ERBIN: variants seen among roughly 807,000 people sequenced by gnomAD.
The protein encoded by ERBIN is erbb2 interacting protein.
A neutral mutation model predicts 158.4 loss-of-function variants in ERBIN; 60 were observed. That is an observed-to-expected ratio of 0.38 (90% CI 0.31 to 0.47). The LOEUF (loss-of-function observed/expected upper bound fraction) is 0.47. ERBIN is among the 20% of genes least tolerant of loss of function. ERBIN has a pLI of 0.99. For synonymous variants in ERBIN, 594 were observed against 557.2 expected (o/e 1.07, Z -0.93); for missense variants, 1,610 against 1,648.0 (o/e 0.98, Z 0.40).
chr5:65,998,706 G>A (rs912969709), intron 4 of ERBIN, among the ~76,000 whole-genome samples: 5 of 151,922 alleles, frequency 3.3e-5, no homozygotes, highest in Admixed American at 2.6e-4. Context: ...AGATCAGCCT[G>A]GGCGACATAG....
chr5:66,061,200 A>C (rs1760259606), intron 21 of ERBIN, among the ~76,000 whole-genome samples: 4 of 152,286 alleles, frequency 2.6e-5, no homozygotes, highest in South Asian at 4.1e-4. Flanking sequence ...GTAGGTCCCT[A>C]AGGACTTGCT....
At chr5:66,070,364 A>G (rs1761416901) in intron 21 of ERBIN, among the ~76,000 whole-genome samples, 1 of 152,112 alleles carries the variant, frequency 6.6e-6, no homozygotes, top group Non-Finnish European at 1.5e-5. Flanking sequence ...AATTTAAAAG[A>G]TGAGAGAGAA....
At chr5:65,994,899 G>C (rs367993738) in intron 4 of ERBIN, 35 bp downstream of exon 4, 32 of 1,259,462 alleles carry the variant, frequency 2.5e-5, no homozygotes, top group African/African-American at 6.0e-5. Flanking sequence ...TTTTGTACTT[G>C]GGAACATGTT....
intron 3 of ERBIN, 95 bp from the exon 4 acceptor site, chr5:65,994,652 C>A: frequency 4.5e-6 from 3 of 664,454 alleles, no homozygotes; most frequent in Non-Finnish European, 7.7e-6. Context: ...TAGGTTATAA[C>A]TCATTCAGTT....
chr5:65,963,237 G>T (rs1431775297), intron 1 of ERBIN, among the ~76,000 whole-genome samples: 1 of 152,074 alleles, frequency 6.6e-6, no homozygotes, highest in Non-Finnish European at 1.5e-5. Context: ...TTCTAAAGTA[G>T]TTTCCTATAT....
intron 4 of ERBIN, among the ~76,000 whole-genome samples, chr5:65,998,282 TTC>T (rs980283762): frequency 1.3e-4 from 20 of 149,738 alleles, no homozygotes; most frequent in African/African-American, 3.7e-4. Flanking sequence ...ACTTATTAAA[TTC>T]TGTTTATTTT....
At chr5:65,951,361 C>G (rs544970093) in intron 1 of ERBIN, among the ~76,000 whole-genome samples, 1 of 152,248 alleles carries the variant, frequency 6.6e-6, no homozygotes, top group East Asian at 1.9e-4. Context: ...TGAGCAGTAT[C>G]TGGCACATAA....
intron 3 of ERBIN, 77 bp downstream of exon 3, chr5:65,992,984 T>A: frequency 8.7e-7 from 1 of 1,143,788 alleles, no homozygotes; most frequent in Non-Finnish European, 1.2e-6. Context: ...AATATTGCTA[T>A]AAAGTTGCCA....
chr5:65,938,557 T>C (rs1744372701), intron 1 of ERBIN, among the ~76,000 whole-genome samples: 1 of 151,936 alleles, frequency 6.6e-6, no homozygotes, highest in South Asian at 2.1e-4. Context: ...TGATTCTGTT[T>C]TGTTTTTTTT....
intron 1 of ERBIN, among the ~76,000 whole-genome samples, chr5:65,929,884 C>T (rs1321454653): frequency 2.6e-5 from 4 of 152,160 alleles, no homozygotes; most frequent in African/African-American, 9.7e-5. Flanking sequence ...AGGTGATCTG[C>T]CCACCTTGGC....
Position 66,054,552 on chromosome 5 carries a change from T to C in ERBIN, c.3234T>C (p.Ser1078=), listed in dbSNP as rs760184576. ...CTCGAAGTACAATCCAGCGACAAAGTAGTGTGTCCTCCACAGCCTCTGTAA... is the reference window on the plus strand; with the variant it reads ...CTCGAAGTACAATCCAGCGACAAAGCAGTGTGTCCTCCACAGCCTCTGTAA... ...AVTRSTIQRQ[S]SVSSTASVNL... The change falls in exon 21 of 26, where the codon AGT becomes AGC. Residue 1078 remains serine (S), a synonymous_variant. Transcript: ENST00000284037. 2.5e-5 allele frequency: 40 copies of C among 1,613,960 alleles called. No individual in the cohort carries two copies. Among genetic ancestry groups the C allele is most frequent in the South Asian group, 2.2e-4 (20 of 91,084 alleles).
intron 1 of ERBIN, among the ~76,000 whole-genome samples, chr5:65,930,660 C>CT (rs1201740761): frequency 6.6e-5 from 10 of 152,116 alleles, no homozygotes; most frequent in African/African-American, 2.2e-4. Context: ...CTTTAGTGTT[C>CT]TTAAAATTGA....
chr5:66,045,551 G>A (rs1758351462), intron 17 of ERBIN, among the ~76,000 whole-genome samples: 1 of 152,094 alleles, frequency 6.6e-6, no homozygotes, highest in Non-Finnish European at 1.5e-5. Flanking sequence ...GATGTTCACA[G>A]AGGAAAAAAA....
In ERBIN at chr5:66,080,233, AGTAG is replaced by A. The variant is rs535973748; in HGVS notation, c.*1705_*1708del. 6.2e-3 allele frequency: 951 copies of A among 152,730 alleles called. 9 individuals are homozygous for A. The highest frequency in any genetic ancestry group is 0.015 in the Admixed American group (226 of 15,304). 9.5% of individuals were successfully genotyped at this position (152,730 alleles called of 1,614,324 possible). On this transcript the variant is annotated 3_prime_UTR_variant, in exon 26 of 26. Transcript: ENST00000284037. Reference sequence around the variant, plus strand: ...CTTTCCATTCTTGCTAGTCAGAGTAAGTAGGCAGCACTTTTAAAAATATGTGAAC... The same window carrying A: ...CTTTCCATTCTTGCTAGTCAGAGTAAGCAGCACTTTTAAAAATATGTGAAC...
At chr5:66,025,581 C>G (rs576330562) in intron 11 of ERBIN, 29 bp downstream of exon 11, 2 of 1,506,830 alleles carry the variant, frequency 1.3e-6, no homozygotes, top group African/African-American at 1.4e-5. Flanking sequence ...TATACACCCT[C>G]GAAGATTTTA....
chr5:66,060,620 A>C (rs1169500360), intron 21 of ERBIN, among the ~76,000 whole-genome samples: 1 of 152,006 alleles, frequency 6.6e-6, no homozygotes, highest in Non-Finnish European at 1.5e-5. Flanking sequence ...TAGTGCTTTT[A>C]ATTGTGATGT....
intron 12 of ERBIN, 76 bp from the exon 13 acceptor site, chr5:66,026,226 C>G (rs1452063780): frequency 1.1e-6 from 1 of 920,330 alleles, no homozygotes; most frequent in African/African-American, 1.7e-5. Context: ...TCATAACTTT[C>G]AAAAATGATG....
At chr5:65,973,402 TAAAAA>T (rs1351347356) in intron 1 of ERBIN, among the ~76,000 whole-genome samples, 1 of 150,188 alleles carries the variant, frequency 6.7e-6, no homozygotes, top group Non-Finnish European at 1.5e-5. Flanking sequence ...TAAAGTATAA[TAAAAA>T]TAAAATAATA....
chr5:65,982,425 T>C (rs1480353669), intron 1 of ERBIN, among the ~76,000 whole-genome samples: 2 of 152,152 alleles, frequency 1.3e-5, no homozygotes, highest in Admixed American at 6.5e-5. Flanking sequence ...ACCGAGAACA[T>C]GCAGGAATGT....
Sources: allele counts gnomAD v4.1 joint callset (sites outside exome capture counted in the v4.1 genomes callset), GRCh38; gene constraint gnomAD v4.1.1; transcripts MANE v1.5; gene names NCBI Gene and HGNC (gene_info 2026-07-23, HGNC 2026-07-21).